Variants in ALK observed in about 807,000 individuals in gnomAD.
The protein encoded by ALK is ALK tyrosine kinase receptor.
ALK carries 74 observed loss-of-function variants against 163.1 expected under a neutral mutation model. The ratio of observed to expected loss-of-function variants is 0.45; its 90% CI spans 0.38 to 0.55. The LOEUF is 0.55. Ranked by LOEUF, ALK falls within the 20% of genes least tolerant of loss-of-function variation. The pLI is 0.00. For synonymous variants in ALK, 960 were observed against 843.2 expected, an observed-to-expected ratio of 1.14 and a Z score of -2.40; for missense variants, 2,063 against 2,105.3, an observed-to-expected ratio of 0.98 and a Z score of 0.39.
chr2:29,526,843 C>CA (rs1421084280), intron 4 of ALK, among the ~76,000 whole-genome samples: 5 of 152,232 alleles, frequency 3.3e-5, no homozygotes, highest in Non-Finnish European at 5.9e-5. Flanking sequence ...TTTTCAGAAG[C>CA]AAATACCTGG....
chr2:29,704,576 G>T (rs112417657), intron 2 of ALK, among the ~76,000 whole-genome samples: 5,128 of 152,160 alleles, frequency 0.034, 118 homozygotes, highest in Middle Eastern at 0.065. Flanking sequence ...TGAATAAATT[G>T]GCAAAAACAT....
At chr2:29,760,162 CCCCTACACACCCACACAT>C (rs1680659264) in intron 1 of ALK, among the ~76,000 whole-genome samples, 2 of 152,046 alleles carry the variant, frequency 1.3e-5, no homozygotes, top group South Asian at 2.1e-4. Context: ...AGCCAGTGCC[CCCCTACACACCCACACAT>C]CCCTACACAC....
chr2:29,524,526 T>C (rs1261325081), intron 4 of ALK, among the ~76,000 whole-genome samples: 1 of 152,206 alleles, frequency 6.6e-6, no homozygotes, highest in Admixed American at 6.5e-5. Flanking sequence ...TACTCTTCTA[T>C]AAAGGAGGTG....
At chr2:29,702,132 A>C (rs1678760684) in intron 2 of ALK, among the ~76,000 whole-genome samples, 1 of 152,170 alleles carries the variant, frequency 6.6e-6, no homozygotes, top group Non-Finnish European at 1.5e-5. Flanking sequence ...CAAAATACTA[A>C]AGAAATGGTC....
chr2:29,484,694 A>G (rs1235908627), intron 4 of ALK, among the ~76,000 whole-genome samples: 1 of 152,204 alleles, frequency 6.6e-6, no homozygotes, highest in Non-Finnish European at 1.5e-5. Context: ...TTCAAGAAAT[A>G]CATCCTTCAA....
At chr2:29,723,440 C>T (rs1679478032) in intron 1 of ALK, among the ~76,000 whole-genome samples, 1 of 152,194 alleles carries the variant, frequency 6.6e-6, no homozygotes, top group South Asian at 2.1e-4. Context: ...TCCCTTTGCC[C>T]TATTTCTTAC....
intron 4 of ALK, among the ~76,000 whole-genome samples, chr2:29,427,380 G>A (rs543348750): frequency 5.3e-5 from 8 of 152,162 alleles, no homozygotes; most frequent in African/African-American, 1.9e-4. Context: ...ATGTATAGTT[G>A]TAATATGTAT....
intron 1 of ALK, among the ~76,000 whole-genome samples, chr2:29,897,046 G>A (rs895151099): frequency 2.6e-5 from 4 of 152,162 alleles, no homozygotes; most frequent in Admixed American, 6.5e-5. Flanking sequence ...GAGGCCAGGC[G>A]CGGTGGCTCA....
intron 3 of ALK, among the ~76,000 whole-genome samples, chr2:29,678,933 C>G (rs1473063943): frequency 2.6e-5 from 4 of 151,708 alleles, no homozygotes; most frequent in African/African-American, 9.7e-5. Context: ...CTTCTATATC[C>G]TTCTTTATCC....
intron 3 of ALK, among the ~76,000 whole-genome samples, chr2:29,585,449 C>A (rs944337919): frequency 2.6e-5 from 4 of 152,132 alleles, no homozygotes; most frequent in African/African-American, 7.2e-5. Flanking sequence ...GCCTCAGCTT[C>A]CCAAGTAGCT....
intron 4 of ALK, among the ~76,000 whole-genome samples, chr2:29,445,890 G>A (rs1031060156): frequency 2.6e-5 from 4 of 151,162 alleles, no homozygotes; most frequent in African/African-American, 9.7e-5. Context: ...ACGAGGTCAG[G>A]AGATCGAGAC....
intron 1 of ALK, among the ~76,000 whole-genome samples, chr2:29,737,924 C>G (rs968840077): frequency 2.0e-5 from 3 of 151,948 alleles, no homozygotes; most frequent in African/African-American, 7.3e-5. Flanking sequence ...ATGAGGATAG[C>G]TGAGCCAAGG....
intron 13 of ALK, among the ~76,000 whole-genome samples, chr2:29,237,035 A>C (rs191824636): frequency 2.6e-5 from 4 of 152,262 alleles, no homozygotes; most frequent in African/African-American, 9.6e-5. Context: ...AGGTGATGGC[A>C]GCTCCCTTCT....
At position 29,852,671 on chromosome 2, in the gene ALK, G is replaced by A. The variant is rs574495177; in HGVS notation, c.667+67322C>T. Among the ~76,000 whole-genome samples the A allele has an allele frequency of 2.0e-4, 31 of 152,230 alleles. No homozygotes were observed. In the Middle Eastern group the frequency reaches 0.017, roughly 84 times the overall value. ...AATGGGTATGCCTGACAACTCCTAT[G>A]GACCGAATGTTTGTGTACCCCCAAA... On this transcript the variant is annotated intron_variant, in intron 1 of 28. Coordinates refer to ENST00000389048, the MANE Select transcript of ALK (RefSeq NM_004304.5).
chr2:29,639,212 G>C, intron 3 of ALK, among the ~76,000 whole-genome samples: 1 of 152,126 alleles, frequency 6.6e-6, no homozygotes, highest in East Asian at 1.9e-4. Context: ...ATGGAGGTCG[G>C]CATCACTCAC....
intron 1 of ALK, among the ~76,000 whole-genome samples, chr2:29,885,888 A>G (rs928100745): frequency 6.6e-6 from 1 of 152,244 alleles, no homozygotes; most frequent in African/African-American, 2.4e-5. Flanking sequence ...ATTTTTAGAG[A>G]AATGAGAAAG....
chr2:29,320,105 C>G (rs1172855412), intron 7 of ALK, among the ~76,000 whole-genome samples: 1 of 152,240 alleles, frequency 6.6e-6, no homozygotes, highest in Non-Finnish European at 1.5e-5. Context: ...ACATCCTGCC[C>G]AGCCTGGTGT....
rs1558488881 is a variant in ALK at position 29,789,014 on chromosome 2, A to AGTGTGTGTGTGTGT, written c.668-71318_668-71317insACACACACACACAC. On this transcript the variant is annotated intron_variant, in intron 1 of 28. Coordinates refer to ENST00000389048, the MANE Select transcript of ALK (RefSeq NM_004304.5). ...CTAAAAACATGCTCCATCCTGGTAC[A>AGTGTGTGTGTGTGT]CTGTGTGTGTGTGTGTGTGTGTGTG... Among the ~76,000 whole-genome samples the AGTGTGTGTGTGTGT allele has an allele frequency of 1.9e-4, 3 of 15,706 alleles. 1 individual carries two copies. Among genetic ancestry groups the AGTGTGTGTGTGTGT allele is most frequent in the Admixed American group, 1.0e-3 (1 of 994 alleles). 10.3% of individuals were successfully genotyped at this position (15,706 alleles called of 152,430 possible).
At chr2:29,694,018 T>G (rs1678480801) in intron 3 of ALK, among the ~76,000 whole-genome samples, 1 of 152,214 alleles carries the variant, frequency 6.6e-6, no homozygotes, top group African/African-American at 2.4e-5. Context: ...CAGTTATTCC[T>G]TCTTCCAAAA....
Sources: gnomAD v4.1 joint callset for allele counts (sites outside exome capture counted in the v4.1 genomes callset) on GRCh38, gnomAD v4.1.1 for gene constraint, MANE v1.5 for transcripts, NCBI Gene and HGNC (gene_info 2026-07-23, HGNC 2026-07-21) for gene names.